OLR1: variants seen among roughly 807,000 people sequenced by gnomAD.
The protein encoded by OLR1 is oxidized low density lipoprotein receptor 1, also known as oxidized low-density lipoprotein receptor 1.
A neutral mutation model predicts 31.7 loss-of-function variants in OLR1; 23 were observed. That is an observed-to-expected ratio of 0.72 (90% CI 0.52 to 1.03). OLR1 has a LOEUF of 1.03. OLR1 is among the 50% of genes least tolerant of loss of function. The pLI is 0.00. For missense variants in OLR1, 286 were observed against 315.7 expected, an observed-to-expected ratio of 0.91 and a Z score of 0.71; for synonymous variants, 117 against 115.8, an observed-to-expected ratio of 1.01 and a Z score of -0.07.
chr12:10,161,931 A>ATATATATG (rs1227148783), intron 3 of OLR1, among the ~76,000 whole-genome samples: 2 of 115,006 alleles, frequency 1.7e-5, no homozygotes, highest in African/African-American at 2.7e-5. Context: ...AATGATATAT[A>ATATATATG]TATATATATA....
intron 1 of OLR1, among the ~76,000 whole-genome samples, chr12:10,169,444 T>C (rs957430710): frequency 2.6e-5 from 4 of 152,218 alleles, no homozygotes; most frequent in African/African-American, 9.6e-5. Flanking sequence ...CAGGATTCGA[T>C]ACCAGATATT....
chr12:10,171,243 T>C (rs1283733413), intron 1 of OLR1, among the ~76,000 whole-genome samples: 1 of 152,248 alleles, frequency 6.6e-6, no homozygotes, highest in African/African-American at 2.4e-5. Flanking sequence ...AATTTCTTTA[T>C]CCAAATTTCT....
intron 3 of OLR1, among the ~76,000 whole-genome samples, chr12:10,163,900 T>C (rs1337149500): frequency 1.3e-5 from 2 of 151,936 alleles, no homozygotes; most frequent in East Asian, 1.9e-4. Flanking sequence ...CACTGCACTC[T>C]AGCCTGGGTG....
intron 1 of OLR1, 68 bp downstream of exon 1, chr12:10,171,934 C>T (rs1001170734): frequency 6.1e-5 from 71 of 1,163,958 alleles, no homozygotes; most frequent in African/African-American, 4.7e-4. Flanking sequence ...TCCCATTCTT[C>T]GGTGAATTTA....
chr12:10,166,974 T>C lies in OLR1; in HGVS notation c.179-17A>G, dbSNP rs150124992. 5.7e-5 allele frequency: 92 copies of C among 1,607,962 alleles called. 1 individual carries two copies. The African/African-American group carries it at 1.2e-3, about 21-fold the overall frequency. The stretch of plus-strand genomic sequence containing the variant: ...CCTGGGATACTGAATCACAGTTGCA[T>C]TAAGACTCTAGTTCTAATCCAAATA... On this transcript the variant is annotated splice_polypyrimidine_tract_variant and intron_variant, in intron 2 of 5. Coordinates refer to ENST00000309539, the MANE Select transcript of OLR1 (RefSeq NM_002543.4).
intron 3 of OLR1, among the ~76,000 whole-genome samples, chr12:10,164,053 A>G (rs1392849318): frequency 1.3e-5 from 2 of 152,246 alleles, no homozygotes; most frequent in East Asian, 3.8e-4. Context: ...AGCATCAGAC[A>G]TATCACTTAT....
chr12:10,164,209 TG>T (rs765836780), intron 3 of OLR1, among the ~76,000 whole-genome samples: 16 of 152,264 alleles, frequency 1.1e-4, no homozygotes, highest in Non-Finnish European at 1.3e-4. Context: ...TACGTGGTTA[TG>T]TCCGCTTTTA....
intron 3 of OLR1, among the ~76,000 whole-genome samples, chr12:10,161,926 T>TAG (rs1268849541): frequency 4.1e-5 from 4 of 98,168 alleles, no homozygotes; most frequent in Non-Finnish European, 8.3e-5. Flanking sequence ...ATTTTAATGA[T>TAG]ATATATATAT....
chr12:10,160,600 T>G, intron 4 of OLR1, 138 bp from the exon 5 acceptor site: 1 of 979,660 alleles, frequency 1.0e-6, no homozygotes, highest in South Asian at 1.5e-5. Context: ...ACGGAAACAC[T>G]TACTGAAGGC....
intron 3 of OLR1, among the ~76,000 whole-genome samples, chr12:10,161,946 A>ATATATATAT (rs35023147): frequency 2.1e-3 from 172 of 82,124 alleles, no homozygotes; most frequent in African/African-American, 5.2e-3. Flanking sequence ...TATATATATA[A>ATATATATAT]AAAACACATA....
In OLR1 at chr12:10,159,994, C is replaced by T. The variant is rs1948606371; in HGVS notation, c.708G>A (p.Gln236=). Residue 236 remains glutamine (Q), a synonymous_variant, in exon 6 of 6, where the codon CAG becomes CAA. Coordinates refer to ENST00000309539, the MANE Select transcript of OLR1 (RefSeq NM_002543.4). ...ATGCACAGGTACCTGAAGGGTATGT[C>T]TGGGAGACAGCGCCTCGGACTCTAA... ...HLFRVRGAVS[Q]TYPSGTCAYI... 1.9e-6 allele frequency: 3 copies of T among 1,612,980 alleles called. No homozygotes were observed. The highest frequency in any genetic ancestry group is 1.7e-5 in the Admixed American group (1 of 59,830).
chr12:10,161,071 G>A, intron 3 of OLR1, 146 bp from the exon 4 acceptor site: 1 of 853,646 alleles, frequency 1.2e-6, no homozygotes, highest in East Asian at 2.7e-5. Flanking sequence ...TAGTAGAGAT[G>A]GGGTTTCACC....
chr12:10,169,319 A>G lies in OLR1; in HGVS notation c.77-144T>C, dbSNP rs16910917. 4,138 of 493,524 alleles carry G rather than the reference A, an allele frequency of 8.4e-3. 115 individuals carry two copies. Among genetic ancestry groups the G allele is most frequent in the African/African-American group, 0.072 (3,735 of 51,906 alleles). The allele number at this position is 493,524 out of a possible 1,614,324, so 30.6% of individuals were successfully genotyped here. A position where few individuals can be genotyped will look rare whatever the true frequency, so the allele number is the denominator to read the frequency against. ...TAAATAGTTTGCATTCCATACCACT[A>G]GTCCTCCAAATGGCTCTGCAAATAA... On this transcript the variant is annotated intron_variant, in intron 1 of 5. Transcript: ENST00000309539.
rs1315332802 is a variant in OLR1, at chr12:10,172,118, G to C, written c.-41C>G. The C allele has an allele frequency of 6.9e-7, 1 of 1,444,438 alleles. No homozygotes were observed. The highest frequency in any genetic ancestry group is 9.7e-7 in the Non-Finnish European group (1 of 1,027,856). The allele number at this position is 1,444,438 out of a possible 1,614,324, so 89.5% of individuals were successfully genotyped here. ...AAGAATGAGAGAGTGAAGCAGTCAC[G>C]AACTTCAACAAACTAAAAATATGTG... On this transcript the variant is annotated 5_prime_UTR_variant, in exon 1 of 6. Transcript: ENST00000309539.
At chr12:10,160,695 T>G (rs538077743) in intron 4 of OLR1, 91 bp downstream of exon 4, 1 of 1,512,916 alleles carries the variant, frequency 6.6e-7, no homozygotes, top group South Asian at 1.2e-5. Flanking sequence ...ATTTTGGCTC[T>G]CAAACAAGAA....
rs748491543 is a variant in OLR1 at position 10,159,849 on chromosome 12, A to T, written c.*31T>A. 4 of 1,569,846 alleles carry T rather than the reference A, an allele frequency of 2.5e-6. No homozygotes were observed. The highest frequency in any genetic ancestry group is 4.5e-5 in the East Asian group (2 of 44,246). ...TTAAATTCCAGAATAAAACTCAAAG[A>T]CTTTTTTCTTTTCTTCCAGAGCCTT... is the stretch of plus-strand genomic sequence containing the variant. On this transcript the variant is annotated 3_prime_UTR_variant, in exon 6 of 6. Coordinates refer to ENST00000309539, the MANE Select transcript of OLR1 (RefSeq NM_002543.4).
At chr12:10,161,596 CAG>C (rs1948619919) in intron 3 of OLR1, among the ~76,000 whole-genome samples, 1 of 152,106 alleles carries the variant, frequency 6.6e-6, no homozygotes, top group African/African-American at 2.4e-5. Flanking sequence ...TTAATTGAAA[CAG>C]GGTCTCGCTA....
chr12:10,174,039 T>C (rs1948747452), upstream of OLR1, among the ~76,000 whole-genome samples: 1 of 140,624 alleles, frequency 7.1e-6, no homozygotes, highest in South Asian at 2.3e-4. Flanking sequence ...TGATGGTGAA[T>C]TTCATGTGTT....
In OLR1 at chr12:10,160,922, G is replaced by T. The variant is rs1299024640; in HGVS notation, c.428C>A (p.Pro143His). ...ATGCCAGATCCAGTCTTGCGGACAA[G>T]GAGCTGGGAAGGATAGTATATCTCA... The part of the protein sequence containing the change: ...TLKRVANCSA[P>H]CPQDWIWHGE... The change falls in exon 4 of 6, where the codon CCT becomes CAT. Residue 143 changes from proline to histidine, a missense_variant. Physicochemically the swap from Pro to His is moderately conservative, Grantham distance 77. Transcript: ENST00000309539. The T allele has an allele frequency of 6.2e-7, 1 of 1,613,972 alleles. No homozygotes were observed. Among genetic ancestry groups the T allele is most frequent in the African/African-American group, 1.3e-5 (1 of 75,044 alleles).
Sources: gnomAD v4.1 joint callset for allele counts (sites outside exome capture counted in the v4.1 genomes callset) on GRCh38, gnomAD v4.1.1 for gene constraint, MANE v1.5 for transcripts, NCBI Gene and HGNC (gene_info 2026-07-23, HGNC 2026-07-21) for gene names.